Variants in SLC5A1 observed in about 807,000 individuals in gnomAD.
SLC5A1 encodes sodium/glucose cotransporter 1.
SLC5A1 carries 42 observed loss-of-function variants against 73.5 expected under a neutral mutation model. The observed-to-expected ratio is 0.57, with a 90% CI of 0.45 to 0.74. SLC5A1 has a LOEUF of 0.74. SLC5A1 is among the 30% of genes least tolerant of loss of function. SLC5A1 has a pLI of 0.00. For missense variants in SLC5A1, 634 were observed against 855.4 expected, an observed-to-expected ratio of 0.74 and a Z score of 3.23; for synonymous variants, 300 against 317.4, an observed-to-expected ratio of 0.95 and a Z score of 0.58.
At chr22:32,093,439 T>C (rs2094021307) in intron 11 of SLC5A1, among the ~76,000 whole-genome samples, 1 of 152,260 alleles carries the variant, frequency 6.6e-6, no homozygotes, top group Non-Finnish European at 1.5e-5. Flanking sequence ...TCCATGAGCA[T>C]GGGATGTGTT....
At chr22:32,090,423 T>C (rs2094015259) in intron 10 of SLC5A1, among the ~76,000 whole-genome samples, 1 of 152,218 alleles carries the variant, frequency 6.6e-6, no homozygotes, top group Admixed American at 6.5e-5. Flanking sequence ...TGTGACTTGC[T>C]TCTTTTACTT....
chr22:32,067,904 T>C lies in SLC5A1; in HGVS notation c.313-63T>C, dbSNP rs1410675849. ...TTTTCTGCAGCAGCTGAGGGGCCCT[T>C]CAGGTGGCAGGGATGGGCTAAGTTT... On this transcript the variant is annotated intron_variant, in intron 3 of 14. Coordinates refer to ENST00000266088, the MANE Select transcript of SLC5A1 (RefSeq NM_000343.4). 3 of 1,549,710 alleles carry C rather than the reference T, an allele frequency of 1.9e-6. No homozygotes were observed. In the African/African-American group the frequency reaches 4.1e-5, roughly 21 times the overall value.
intron 5 of SLC5A1, among the ~76,000 whole-genome samples, chr22:32,076,080 G>C (rs1362759069): frequency 6.6e-6 from 1 of 152,210 alleles, no homozygotes; most frequent in East Asian, 1.9e-4. Context: ...TGAGATTCCT[G>C]TCCAGAGAGC....
intron 11 of SLC5A1, among the ~76,000 whole-genome samples, chr22:32,098,013 C>T (rs1481629796): frequency 6.6e-6 from 1 of 152,280 alleles, no homozygotes; most frequent in Non-Finnish European, 1.5e-5. Context: ...AAACCATACA[C>T]ACTAGAGTGA....
chr22:32,074,612 A>G (rs565550292), intron 5 of SLC5A1, among the ~76,000 whole-genome samples: 1 of 152,288 alleles, frequency 6.6e-6, no homozygotes, highest in Non-Finnish European at 1.5e-5. Flanking sequence ...TCTCTAACCA[A>G]ATAAGACTGA....
rs1319024583 is a variant in SLC5A1 at position 32,110,445 on chromosome 22, A to G, written c.*232A>G. On this transcript the variant is annotated 3_prime_UTR_variant, in exon 15 of 15. Transcript: ENST00000266088. ...GTACCTACTGGAGCTGCAGAAGGGA[A>G]GTCCACTCAGTCACATCCAGAAAAA... 1.8e-6 allele frequency: 1 copy of G among 567,982 alleles called. No individual in the cohort carries two copies. The highest frequency in any genetic ancestry group is 1.9e-5 in the African/African-American group (1 of 53,386). 35.2% of individuals were successfully genotyped at this position (567,982 alleles called of 1,614,324 possible). A position where few individuals can be genotyped will look rare whatever the true frequency, so the allele number is the denominator to read the frequency against.
At chr22:32,081,660 G>A (rs2094000042) in intron 5 of SLC5A1, among the ~76,000 whole-genome samples, 1 of 152,218 alleles carries the variant, frequency 6.6e-6, no homozygotes, top group African/African-American at 2.4e-5. Context: ...ATATATTAAA[G>A]GCTCAGAAAA....
chr22:32,066,870 T>C (rs1248446034), intron 2 of SLC5A1, 65 bp from the exon 3 acceptor site: 2 of 1,134,700 alleles, frequency 1.8e-6, no homozygotes, highest in South Asian at 1.2e-5. Context: ...TCCTCTCTCT[T>C]TGACCCACTC....
At position 32,086,334 on chromosome 22, in the gene SLC5A1, T is replaced by C. The variant is rs5998233; in HGVS notation, c.1129+7T>C. On this transcript the variant is annotated splice_region_variant and intron_variant, in intron 10 of 14. Coordinates refer to ENST00000266088, the MANE Select transcript of SLC5A1 (RefSeq NM_000343.4). ...GTGGAGCTCATGCCCAATGGTGAGA[T>C]TCTTTCTTGGGAGGTTGGTAGAGTC... is the stretch of plus-strand genomic sequence containing the variant. The C allele has an allele frequency of 1.9e-6, 3 of 1,590,442 alleles. No individual in the cohort carries two copies. The highest frequency in any genetic ancestry group is 2.6e-6 in the Non-Finnish European group (3 of 1,158,744).
chr22:32,060,012 TATACAC>T lies in SLC5A1; in HGVS notation c.208-6921_208-6916del, dbSNP rs1268626326. Among the ~76,000 whole-genome samples, 273 of 92,466 alleles carry T rather than the reference TATACAC, an allele frequency of 3.0e-3. 1 individual carries two copies. The highest frequency in any genetic ancestry group is 9.8e-3 in the African/African-American group (263 of 26,740). 60.7% of individuals were successfully genotyped at this position (92,466 alleles called of 152,430 possible). On this transcript the variant is annotated intron_variant, in intron 2 of 14. Coordinates refer to ENST00000266088, the MANE Select transcript of SLC5A1 (RefSeq NM_000343.4). ...CACTGGGCAGCACAGGGGCCATGGT[TATACAC>T]ACACACACACACACACACACACACA...
rs1452319196 is a variant in SLC5A1, at chr22:32,084,533, A to G, written c.759A>G (p.Glu253=). Residue 253 remains glutamate, a synonymous_variant, in exon 8 of 15, where the codon GAA becomes GAG. Coordinates refer to ENST00000266088, the MANE Select transcript of SLC5A1 (RefSeq NM_000343.4). The part of the protein sequence containing the change: ...IVSDGNTTFQ[E]KCYTPRADSF... ...CTGATGGCAACACCACCTTTCAGGA[A>G]AAATGCTACACTCCAAGGGCCGACT... is the stretch of plus-strand genomic sequence containing the variant. The G allele has an allele frequency of 6.2e-7, 1 of 1,614,268 alleles. No homozygotes were observed. Among genetic ancestry groups the G allele is most frequent in the Admixed American group, 1.7e-5 (1 of 60,032 alleles).
intron 10 of SLC5A1, among the ~76,000 whole-genome samples, chr22:32,087,853 C>T (rs1056384055): frequency 1.8e-4 from 27 of 152,040 alleles, no homozygotes; most frequent in African/African-American, 4.3e-4. Flanking sequence ...GTTGGGGAAA[C>T]GGAAGCCAAT....
At position 32,063,988 on chromosome 22, in the gene SLC5A1, T is replaced by C. The variant is rs1015789353; in HGVS notation, c.208-2947T>C. ...AGTGAGTGGGGACTTCAGGACAGCC[T>C]GACATTGCTTAAAGGACAATGTCCC... On this transcript the variant is annotated intron_variant, in intron 2 of 14. Coordinates refer to ENST00000266088, the MANE Select transcript of SLC5A1 (RefSeq NM_000343.4). 2.0e-5 allele frequency among the ~76,000 whole-genome samples: 3 copies of C among 152,196 alleles called. No individual in the cohort carries two copies. The South Asian group carries it at 6.2e-4, about 31-fold the overall frequency.
intron 1 of SLC5A1, among the ~76,000 whole-genome samples, chr22:32,045,318 A>G (rs1267609632): frequency 3.3e-5 from 5 of 152,208 alleles, no homozygotes; most frequent in Non-Finnish European, 7.3e-5. Context: ...ACATGTTTCA[A>G]GTATCTGTGA....
chr22:32,057,144 G>A (rs1172463645), intron 2 of SLC5A1, among the ~76,000 whole-genome samples: 1 of 152,136 alleles, frequency 6.6e-6, no homozygotes. Context: ...TTGAAGGAGG[G>A]GAGGAAAAGG....
chr22:32,076,348 A>G (rs1333178757), intron 5 of SLC5A1, among the ~76,000 whole-genome samples: 1 of 152,196 alleles, frequency 6.6e-6, no homozygotes, highest in African/African-American at 2.4e-5. Context: ...CACCTGCCTT[A>G]TCAAGCTCTG....
intron 5 of SLC5A1, among the ~76,000 whole-genome samples, chr22:32,069,417 TTAG>T (rs2093979319): frequency 6.6e-6 from 1 of 152,066 alleles, no homozygotes; most frequent in Non-Finnish European, 1.5e-5. Context: ...TTAGCTGGGC[TTAG>T]TAGTGTGTGC....
At chr22:32,103,965 A>G (rs949401818) in intron 13 of SLC5A1, among the ~76,000 whole-genome samples, 1 of 152,310 alleles carries the variant, frequency 6.6e-6, no homozygotes, top group East Asian at 1.9e-4. Flanking sequence ...TTTCCAAGGG[A>G]ACAGAGCCAG....
intron 5 of SLC5A1, among the ~76,000 whole-genome samples, chr22:32,081,050 G>C (rs780485096): frequency 6.6e-6 from 1 of 152,038 alleles, no homozygotes; most frequent in African/African-American, 2.4e-5. Flanking sequence ...ACCCTCCCTG[G>C]TATTGTTTTG....
Sources: gnomAD v4.1 joint callset for allele counts (sites outside exome capture counted in the v4.1 genomes callset) on GRCh38, gnomAD v4.1.1 for gene constraint, MANE v1.5 for transcripts, NCBI Gene and HGNC (gene_info 2026-07-23, HGNC 2026-07-21) for gene names.